PTPRD: variants seen among roughly 807,000 people sequenced by gnomAD.
PTPRD encodes protein tyrosine phosphatase receptor type D.
Under a neutral mutation model 214.5 loss-of-function variants are expected in PTPRD, and 34 were observed. The ratio of observed to expected loss-of-function variants is 0.16; its 90% CI spans 0.12 to 0.21. The LOEUF is 0.21. Ranked by LOEUF, PTPRD falls within the 10% of genes least tolerant of loss-of-function variation. PTPRD has a pLI of 1.00. For missense variants in PTPRD, 2,545 were observed against 2,398.7 expected, an observed-to-expected ratio of 1.06 and a Z score of -1.27; for synonymous variants, 1,128 against 845.7, an observed-to-expected ratio of 1.33 and a Z score of -5.79.
At chr9:8,524,739 G>T in intron 18 of PTPRD, 186 bp downstream of exon 18, 1 of 735,326 alleles carries the variant, frequency 1.4e-6, no homozygotes, top group Non-Finnish European at 2.5e-6. Flanking sequence ...ATACTCAAGA[G>T]TTGTCTTTTG....
chr9:9,283,377 T>C (rs1948398050), intron 9 of PTPRD, among the ~76,000 whole-genome samples: 1 of 151,554 alleles, frequency 6.6e-6, no homozygotes, highest in African/African-American at 2.4e-5. Context: ...GATCTTTCAT[T>C]TCCCAGGAGG....
intron 3 of PTPRD, among the ~76,000 whole-genome samples, chr9:10,185,665 G>A (rs1166464862): frequency 6.6e-6 from 1 of 152,090 alleles, no homozygotes; most frequent in African/African-American, 2.4e-5. Context: ...CTTTTTAAAT[G>A]TCAGTTATCT....
intron 14 of PTPRD, 94 bp downstream of exon 14, chr9:8,633,223 G>T: frequency 7.0e-7 from 1 of 1,425,088 alleles, no homozygotes; most frequent in Non-Finnish European, 9.5e-7. Context: ...TCCCATTTAA[G>T]CACCATCACA....
At chr9:9,659,309 C>T (rs559552804) in intron 7 of PTPRD, among the ~76,000 whole-genome samples, 1 of 151,970 alleles carries the variant, frequency 6.6e-6, no homozygotes, top group South Asian at 2.1e-4. Context: ...TTTTATATGG[C>T]CTCCAATTCT....
At chr9:10,175,472 A>C (rs1030911362) in intron 3 of PTPRD, among the ~76,000 whole-genome samples, 1 of 152,058 alleles carries the variant, frequency 6.6e-6, no homozygotes, top group African/African-American at 2.4e-5. Context: ...TGGTTACCTT[A>C]AGATATAATG....
intron 2 of PTPRD, among the ~76,000 whole-genome samples, chr9:10,477,270 T>A (rs2099069190): frequency 6.6e-6 from 1 of 152,106 alleles, no homozygotes; most frequent in Admixed American, 6.5e-5. Context: ...TACAAGGAAC[T>A]TAAACAAATT....
rs2135861326 is a variant in PTPRD at position 8,485,275 on chromosome 9, C to G, written c.3105G>C (p.Leu1035Phe). The change falls in exon 29 of 46, where the codon TTG (leucine) becomes TTC (phenylalanine). Residue 1035 changes from leucine (L) to phenylalanine (F), a missense_variant. Leu to Phe is a conservative substitution (Grantham distance 22, BLOSUM62 0). Transcript: ENST00000381196. ...AATTCTCTGGAATCTCCCAAGACAG[C>G]AACACGGAAGTCTTCATTACTGCTT... ...HVKAVMKTSVLLSWEIPENYN... is the reference protein window; with the variant it reads ...HVKAVMKTSVFLSWEIPENYN... 1 of 1,614,116 alleles carries G rather than the reference C, an allele frequency of 6.2e-7. No individual in the cohort carries two copies. The highest frequency in any genetic ancestry group is 8.5e-7 in the Non-Finnish European group (1 of 1,179,990).
At chr9:10,335,475 AG>A (rs1244089775) in intron 3 of PTPRD, among the ~76,000 whole-genome samples, 1 of 151,800 alleles carries the variant, frequency 6.6e-6, no homozygotes, top group East Asian at 1.9e-4. Context: ...CAAGTGTAAA[AG>A]CCAAAACTAT....
At chr9:9,372,405 A>G (rs1596547166) in intron 9 of PTPRD, among the ~76,000 whole-genome samples, 1 of 152,028 alleles carries the variant, frequency 6.6e-6, no homozygotes, top group South Asian at 2.1e-4. Context: ...GTTGGTTTAA[A>G]GTCTGTTTTA....
chr9:9,750,854 G>C (rs377248504), intron 6 of PTPRD, among the ~76,000 whole-genome samples: 1 of 151,986 alleles, frequency 6.6e-6, no homozygotes, highest in African/African-American at 2.4e-5. Context: ...AAAGGCCCAA[G>C]GTTCTGCCCT....
intron 19 of PTPRD, 77 bp from the exon 20 acceptor site, chr9:8,521,623 G>T: frequency 6.9e-7 from 1 of 1,455,750 alleles, no homozygotes; most frequent in Non-Finnish European, 9.3e-7. Context: ...GACATGCACC[G>T]TACAGACACG....
chr9:10,085,698 C>A (rs1048992045), intron 3 of PTPRD, among the ~76,000 whole-genome samples: 4 of 151,940 alleles, frequency 2.6e-5, no homozygotes, highest in African/African-American at 9.6e-5. Context: ...ATACATGACA[C>A]ACACACACAC....
chr9:9,631,472 G>A (rs1055796837), intron 7 of PTPRD, among the ~76,000 whole-genome samples: 4 of 152,078 alleles, frequency 2.6e-5, no homozygotes, highest in Non-Finnish European at 5.9e-5. Context: ...AGTTTTCTTG[G>A]TTCACTGAGT....
chr9:8,432,274 T>C (rs1358456608), intron 35 of PTPRD, among the ~76,000 whole-genome samples: 1 of 152,198 alleles, frequency 6.6e-6, no homozygotes, highest in African/African-American at 2.4e-5. Context: ...TCTCAGAAAA[T>C]GGACATCTAA....
intron 3 of PTPRD, among the ~76,000 whole-genome samples, chr9:10,310,584 T>C (rs2096242429): frequency 6.6e-6 from 1 of 151,558 alleles, no homozygotes; most frequent in Admixed American, 6.6e-5. Context: ...GAAAAAAAAA[T>C]GTAATTTTAA....
chr9:10,195,490 T>G (rs2099394377), intron 3 of PTPRD, among the ~76,000 whole-genome samples: 2 of 152,144 alleles, frequency 1.3e-5, no homozygotes, highest in Admixed American at 6.5e-5. Context: ...TACCAGTTTC[T>G]GGGAGCCAAG....
chr9:9,275,540 G>T (rs1945277189), intron 9 of PTPRD, among the ~76,000 whole-genome samples: 1 of 150,966 alleles, frequency 6.6e-6, no homozygotes, highest in Non-Finnish European at 1.5e-5. Flanking sequence ...GGTTCCATTA[G>T]CCAAGGTTGG....
intron 8 of PTPRD, among the ~76,000 whole-genome samples, chr9:9,425,837 T>G (rs144699973): frequency 8.6e-5 from 13 of 152,026 alleles, no homozygotes; most frequent in Admixed American, 6.5e-5. Context: ...GAGATAAAAA[T>G]AGTGTTGAGT....
At position 9,044,600 on chromosome 9, in the gene PTPRD, C is replaced by T. The variant is rs531888245; in HGVS notation, c.-142-25865G>A. Among the ~76,000 whole-genome samples the T allele has an allele frequency of 3.3e-5, 5 of 152,298 alleles. No individual in the cohort carries two copies. In the South Asian group the frequency reaches 1.0e-3, roughly 32 times the overall value. ...GCTGTCTAACTAAATAACAATGACA[C>T]TGTTAAATAAAAGCTGCACTTTAGA... On this transcript the variant is annotated intron_variant, in intron 10 of 45. Coordinates refer to ENST00000381196, the MANE Select transcript of PTPRD (RefSeq NM_002839.4).
Sources: gnomAD v4.1 joint callset for allele counts (sites outside exome capture counted in the v4.1 genomes callset) on GRCh38, gnomAD v4.1.1 for gene constraint, MANE v1.5 for transcripts, NCBI Gene and HGNC (gene_info 2026-07-23, HGNC 2026-07-21) for gene names.